The following THSD7A variants were observed in gnomAD, a reference collection of about 807,000 sequenced individuals.
The protein encoded by THSD7A is thrombospondin type-1 domain-containing protein 7A.
THSD7A carries 96 observed loss-of-function variants against 231.3 expected under a neutral mutation model. The ratio of observed to expected loss-of-function variants is 0.41; its 90% CI spans 0.35 to 0.49. The LOEUF (loss-of-function observed/expected upper bound fraction) is 0.49. THSD7A is among the 20% of genes least tolerant of loss of function. The probability of loss-of-function intolerance (pLI) is 0.05; values close to 1 mark genes in which losing one functional copy is unlikely to be tolerated. For synonymous variants in THSD7A, 940 were observed against 743.3 expected (o/e 1.26, Z -4.30); for missense variants, 2,290 against 2,070.2 (o/e 1.11, Z -2.06).
intron 2 of THSD7A, among the ~76,000 whole-genome samples, chr7:11,619,947 T>A (rs1781248995): frequency 6.6e-6 from 1 of 152,206 alleles, no homozygotes; most frequent in Non-Finnish European, 1.5e-5. Flanking sequence ...GTGCTGTTCA[T>A]CTTTAACATA....
intron 3 of THSD7A, among the ~76,000 whole-genome samples, chr7:11,592,893 A>G (rs892053330): frequency 6.6e-6 from 1 of 152,144 alleles, no homozygotes; most frequent in African/African-American, 2.4e-5. Flanking sequence ...GTATTGGAAC[A>G]CAGCCACGCT....
rs77524287 is a variant in THSD7A at position 11,485,651 on chromosome 7, C to T, written c.1823-3669G>A. Among the ~76,000 whole-genome samples, 317 of 152,138 alleles carry T rather than the reference C, an allele frequency of 2.1e-3. 1 individual carries two copies. Among genetic ancestry groups the T allele is most frequent in the African/African-American group, 6.1e-3 (252 of 41,518 alleles). On this transcript the variant is annotated intron_variant, in intron 6 of 27. Coordinates refer to ENST00000423059, the MANE Select transcript of THSD7A (RefSeq NM_015204.3). ...ACAGAGAATTGAAATGAGTTTTCAC[C>T]AATACCCCAATCTGCTTTTGAACTA...
At chr7:11,813,213 A>T (rs1430870838) in intron 1 of THSD7A, among the ~76,000 whole-genome samples, 1 of 152,104 alleles carries the variant, frequency 6.6e-6, no homozygotes, top group Non-Finnish European at 1.5e-5. Flanking sequence ...CAGATTAAAA[A>T]CTTGTTGGCA....
chr7:11,597,257 A>G (rs1258098834), intron 2 of THSD7A, among the ~76,000 whole-genome samples: 9 of 152,176 alleles, frequency 5.9e-5, no homozygotes, highest in Non-Finnish European at 1.0e-4. Flanking sequence ...GGTGAAGGAT[A>G]AGTTGCTGCA....
intron 1 of THSD7A, among the ~76,000 whole-genome samples, chr7:11,752,169 A>G (rs1782525244): frequency 6.6e-6 from 1 of 152,104 alleles, no homozygotes; most frequent in Non-Finnish European, 1.5e-5. Context: ...TACATATAAA[A>G]GCACTCAGAC....
chr7:11,536,283 A>G (rs1234493166), intron 6 of THSD7A, among the ~76,000 whole-genome samples: 1 of 152,128 alleles, frequency 6.6e-6, no homozygotes, highest in Non-Finnish European at 1.5e-5. Context: ...TACAACATTT[A>G]TATTCCTTAC....
At chr7:11,521,922 A>G (rs1583899881) in intron 6 of THSD7A, among the ~76,000 whole-genome samples, 1 of 152,200 alleles carries the variant, frequency 6.6e-6, no homozygotes, top group East Asian at 1.9e-4. Flanking sequence ...ATGTTTTTCT[A>G]TGAAAATAAA....
intron 1 of THSD7A, among the ~76,000 whole-genome samples, chr7:11,662,821 A>G (rs1782980558): frequency 6.6e-6 from 1 of 151,446 alleles, no homozygotes; most frequent in African/African-American, 2.4e-5. Context: ...ACACACATGG[A>G]TCAAAGAAGG....
chr7:11,506,751 T>C (rs975608477), intron 6 of THSD7A, among the ~76,000 whole-genome samples: 4 of 152,208 alleles, frequency 2.6e-5, no homozygotes, highest in African/African-American at 9.7e-5. Flanking sequence ...CTTTCCTCTC[T>C]GATATTTGCT....
At chr7:11,569,472 A>G (rs569827284) in intron 4 of THSD7A, among the ~76,000 whole-genome samples, 1 of 152,312 alleles carries the variant, frequency 6.6e-6, no homozygotes, top group South Asian at 2.1e-4. Flanking sequence ...CAAAATCACA[A>G]TGAGAGATCA....
chr7:11,642,404 T>C (rs1782119795), intron 1 of THSD7A, among the ~76,000 whole-genome samples: 1 of 152,184 alleles, frequency 6.6e-6, no homozygotes, highest in South Asian at 2.1e-4. Flanking sequence ...CATTTAAGGC[T>C]ATGGATAATA....
intron 2 of THSD7A, among the ~76,000 whole-genome samples, chr7:11,598,251 G>T (rs1238123862): frequency 6.6e-6 from 1 of 152,068 alleles, no homozygotes; most frequent in African/African-American, 2.4e-5. Flanking sequence ...TGGTGACAAA[G>T]AAATTTGGGG....
chr7:11,793,997 C>T (rs1784045945), intron 1 of THSD7A, among the ~76,000 whole-genome samples: 1 of 151,350 alleles, frequency 6.6e-6, no homozygotes, highest in South Asian at 2.1e-4. Flanking sequence ...ATTTTAGATC[C>T]CATTTTCAAA....
At chr7:11,586,310 G>A (rs966296509) in intron 4 of THSD7A, among the ~76,000 whole-genome samples, 4 of 152,064 alleles carry the variant, frequency 2.6e-5, no homozygotes, top group Admixed American at 6.5e-5. Context: ...CAAAAAACAT[G>A]AAATCATTTT....
intron 7 of THSD7A, among the ~76,000 whole-genome samples, chr7:11,476,250 A>G (rs1237590349): frequency 5.9e-5 from 9 of 151,678 alleles, no homozygotes; most frequent in African/African-American, 2.2e-4. Context: ...TACAATATTT[A>G]TACGTTAAGG....
At chr7:11,822,606 C>T (rs1322618252) in intron 1 of THSD7A, among the ~76,000 whole-genome samples, 1 of 151,906 alleles carries the variant, frequency 6.6e-6, no homozygotes, top group East Asian at 1.9e-4. Flanking sequence ...CTATTTTTAG[C>T]TCTTTGAGAA....
At chr7:11,767,108 C>G (rs1347888514) in intron 1 of THSD7A, among the ~76,000 whole-genome samples, 2 of 152,010 alleles carry the variant, frequency 1.3e-5, no homozygotes, top group Non-Finnish European at 2.9e-5. Context: ...TGTGTATAAA[C>G]AGCAATTGTG....
intron 23 of THSD7A, among the ~76,000 whole-genome samples, chr7:11,390,570 G>A (rs1428074409): frequency 1.3e-5 from 2 of 152,174 alleles, no homozygotes; most frequent in East Asian, 1.9e-4. Flanking sequence ...GCTCAGAGGA[G>A]TTCGTTATTA....
At chr7:11,667,279 C>G (rs1184229304) in intron 1 of THSD7A, among the ~76,000 whole-genome samples, 1 of 152,082 alleles carries the variant, frequency 6.6e-6, no homozygotes, top group African/African-American at 2.4e-5. Flanking sequence ...TAGCTTAGCT[C>G]CCACTTATAA....
Sources: gnomAD v4.1 joint callset for allele counts (sites outside exome capture counted in the v4.1 genomes callset) on GRCh38, gnomAD v4.1.1 for gene constraint, MANE v1.5 for transcripts, NCBI Gene and HGNC (gene_info 2026-07-23, HGNC 2026-07-21) for gene names.